TIAM1: variants seen among roughly 807,000 people sequenced by gnomAD.
TIAM1 encodes the protein TIAM Rac1 associated GEF 1, also known as rho guanine nucleotide exchange factor TIAM1.
Under a neutral mutation model 163.5 loss-of-function variants are expected in TIAM1, and 65 were observed. The observed-to-expected ratio is 0.40, with a 90% CI of 0.33 to 0.49. The LOEUF (loss-of-function observed/expected upper bound fraction) is 0.49. Ranked by LOEUF, TIAM1 falls within the 20% of genes least tolerant of loss-of-function variation. TIAM1 has a pLI of 0.77. For synonymous variants in TIAM1, 833 were observed against 810.1 expected, an observed-to-expected ratio of 1.03 and a Z score of -0.48; for missense variants, 1,789 against 2,044.7, an observed-to-expected ratio of 0.87 and a Z score of 2.41.
At chr21:31,535,273 C>G (rs1161293260) in intron 1 of TIAM1, among the ~76,000 whole-genome samples, 1 of 145,302 alleles carries the variant, frequency 6.9e-6, no homozygotes, top group East Asian at 2.1e-4. Context: ...CCCAGCTGCT[C>G]AGGAGGCTGA....
intron 1 of TIAM1, among the ~76,000 whole-genome samples, chr21:31,507,205 T>A (rs955774729): frequency 2.1e-5 from 2 of 95,714 alleles, no homozygotes; most frequent in Non-Finnish European, 4.2e-5. Context: ...TTTTTTTTTT[T>A]TTTTTTTTTT....
chr21:31,402,074 G>T (rs8134535), intron 2 of TIAM1, among the ~76,000 whole-genome samples: 5,352 of 151,956 alleles, frequency 0.035, 324 homozygotes, highest in African/African-American at 0.12. Flanking sequence ...TTAGCCGGGC[G>T]TGGTGGTGCG....
rs567552674 is a variant in TIAM1, at chr21:31,309,291, C to T, written c.-189+29952G>A. ...TGGCCAACATGGTAAAACCCTGTCT[C>T]TACTAAAAATACAAAAATTAGCCGG... On this transcript the variant is annotated intron_variant, in intron 2 of 27. Coordinates refer to ENST00000541036, the MANE Select transcript of TIAM1 (RefSeq NM_001353694.2). Among the ~76,000 whole-genome samples the T allele has an allele frequency of 2.0e-5, 3 of 152,144 alleles. No individual in the cohort carries two copies. The South Asian group carries it at 6.2e-4, about 32-fold the overall frequency.
intron 13 of TIAM1, among the ~76,000 whole-genome samples, chr21:31,192,258 G>A (rs977820449): frequency 6.6e-6 from 1 of 152,154 alleles, no homozygotes; most frequent in East Asian, 1.9e-4. Flanking sequence ...ACAGGGGAAG[G>A]TGCAGAAGGA....
intron 2 of TIAM1, among the ~76,000 whole-genome samples, chr21:31,290,415 C>T (rs1013203572): frequency 2.0e-5 from 3 of 152,056 alleles, no homozygotes; most frequent in Non-Finnish European, 4.4e-5. Flanking sequence ...AGGCAGATCA[C>T]TTGAGGTCCG....
rs2081951544 is a variant in TIAM1 at position 31,120,358 on chromosome 21, G to A, written c.*10C>T. On this transcript the variant is annotated 3_prime_UTR_variant, in exon 28 of 28. Transcript: ENST00000541036. This position sits in a 1 kb window ranked among gnomAD's most constrained non-coding sequence, Gnocchi z 4.2. ...ATCTACACACATTCTCTACGGGGCAGGTGACGCAGTCAGATCTCAGTGTTC... is the reference window on the plus strand; with the variant it reads ...ATCTACACACATTCTCTACGGGGCAAGTGACGCAGTCAGATCTCAGTGTTC... 1 of 1,595,564 alleles carries A rather than the reference G, an allele frequency of 6.3e-7. No individual in the cohort carries two copies. The highest frequency in any genetic ancestry group is 8.5e-7 in the Non-Finnish European group (1 of 1,170,088).
chr21:31,433,823 A>G (rs1176717050), intron 2 of TIAM1, among the ~76,000 whole-genome samples: 1 of 152,090 alleles, frequency 6.6e-6, no homozygotes, highest in Non-Finnish European at 1.5e-5. Flanking sequence ...TTTGAGACGA[A>G]GTCTCGCTCT....
chr21:31,227,017 C>T lies in TIAM1; in HGVS notation c.1585-1067G>A, dbSNP rs993500062. On this transcript the variant is annotated intron_variant, in intron 6 of 27. Transcript: ENST00000541036. Reference sequence around the variant, plus strand: ...TGTTGCCCAGGCTGGAGTGCAGTGGCGCGATCTTGGCTCACTGCAGCCTCT... The same window carrying T: ...TGTTGCCCAGGCTGGAGTGCAGTGGTGCGATCTTGGCTCACTGCAGCCTCT... 7.1e-5 allele frequency among the ~76,000 whole-genome samples: 10 copies of T among 140,396 alleles called. No individual in the cohort carries two copies. The East Asian group carries it at 8.4e-4, about 12-fold the overall frequency. 92.1% of individuals were successfully genotyped at this position (140,396 alleles called of 152,430 possible).
chr21:31,453,168 T>C (rs2044937724), intron 2 of TIAM1: 1 of 288,114 alleles, frequency 3.5e-6, no homozygotes, highest in East Asian at 9.2e-5. Context: ...AAAAACACAG[T>C]GGTGTTACGG....
intron 4 of TIAM1, among the ~76,000 whole-genome samples, chr21:31,255,308 C>A (rs754270953): frequency 2.6e-5 from 4 of 152,184 alleles, no homozygotes; most frequent in Admixed American, 6.5e-5. Flanking sequence ...TGTGACCCAG[C>A]CCATTGAGAA....
At chr21:31,419,929 G>T (rs1255873412) in intron 2 of TIAM1, among the ~76,000 whole-genome samples, 1 of 152,052 alleles carries the variant, frequency 6.6e-6, no homozygotes, top group East Asian at 1.9e-4. Context: ...CGCGTCTGTG[G>T]TCCCAGCTAC....
chr21:31,472,928 A>G (rs1278765408), intron 1 of TIAM1, among the ~76,000 whole-genome samples: 1 of 152,178 alleles, frequency 6.6e-6, no homozygotes, highest in Non-Finnish European at 1.5e-5. Flanking sequence ...AATTGATCTG[A>G]TCTGCTGCAA....
chr21:31,471,112 A>G (rs1158333849), intron 1 of TIAM1, among the ~76,000 whole-genome samples: 2 of 152,234 alleles, frequency 1.3e-5, no homozygotes, highest in South Asian at 2.1e-4. Context: ...CGGGCTGCTG[A>G]GAGTCTCCAG....
intron 1 of TIAM1, among the ~76,000 whole-genome samples, chr21:31,492,750 T>C: frequency 6.8e-6 from 1 of 147,328 alleles, no homozygotes; most frequent in African/African-American, 2.5e-5. Flanking sequence ...CTTTCTAAAT[T>C]GATTGAGACC....
At chr21:31,146,219 G>A (rs1043396941) in intron 20 of TIAM1, among the ~76,000 whole-genome samples, 1 of 152,052 alleles carries the variant, frequency 6.6e-6, no homozygotes, top group African/African-American at 2.4e-5. Flanking sequence ...GATCACCTGA[G>A]GTCAGGAATT....
chr21:31,269,829 G>A lies in TIAM1; in HGVS notation c.-11-2846C>T, dbSNP rs190352977. Among the ~76,000 whole-genome samples the A allele has an allele frequency of 4.0e-3, 614 of 152,084 alleles. 3 individuals carry two copies. Among genetic ancestry groups the A allele is most frequent in the Non-Finnish European group, 7.2e-3 (487 of 67,984 alleles). On this transcript the variant is annotated intron_variant, in intron 3 of 27. Coordinates refer to ENST00000541036, the MANE Select transcript of TIAM1 (RefSeq NM_001353694.2). ...TGGGACTACAGGCGCCCGCCACCACGCCTGGCTAATTTTTTGTATTTTTAT... is the reference window on the plus strand; with the variant it reads ...TGGGACTACAGGCGCCCGCCACCACACCTGGCTAATTTTTTGTATTTTTAT...
Position 31,266,869 on chromosome 21 carries a change from T to G in TIAM1, c.104A>C (p.Lys35Thr). 1 of 1,614,148 alleles carries G rather than the reference T, an allele frequency of 6.2e-7. No individual in the cohort carries two copies. Among genetic ancestry groups the G allele is most frequent in the Non-Finnish European group, 8.5e-7 (1 of 1,180,038 alleles). ...HTSRSLRLSH[K>T]TRRTRHASSG... is the part of the protein sequence containing the mutation. ...GGAAGCGTGCCTGGTCCTCCGCGTC[T>G]TGTGCGAGAGGCGCAGGGAGCGGGA... is the stretch of plus-strand genomic sequence containing the variant. Residue 35 changes from lysine to threonine, a missense_variant, in exon 4 of 28, where the codon AAG (lysine) becomes ACG (threonine). Physicochemically the swap from Lys to Thr is moderately conservative, Grantham distance 78 (BLOSUM62 -1). This residue lies in a region of TIAM1 where 555 missense variants were observed against 564.9 expected (regional missense o/e 0.98). Transcript: ENST00000541036.
At chr21:31,331,705 C>G (rs2075683224) in intron 2 of TIAM1, among the ~76,000 whole-genome samples, 1 of 152,162 alleles carries the variant, frequency 6.6e-6, no homozygotes, top group Non-Finnish European at 1.5e-5. Flanking sequence ...TCTAAGTATT[C>G]CTGGGCACTC....
chr21:31,413,356 G>A (rs1602221467), intron 2 of TIAM1, among the ~76,000 whole-genome samples: 3 of 129,528 alleles, frequency 2.3e-5, no homozygotes, highest in African/African-American at 8.7e-5. Context: ...TGCAACCTCC[G>A]CCTCCCGGGT....
Sources: allele counts gnomAD v4.1 joint callset (sites outside exome capture counted in the v4.1 genomes callset), GRCh38; gene constraint gnomAD v4.1.1; regional missense constraint gnomAD v4.1.1; non-coding constraint Gnocchi (gnomAD v3.1); transcripts MANE v1.5; gene names NCBI Gene and HGNC (gene_info 2026-07-23, HGNC 2026-07-21).